The following CNTN5 variants were observed in gnomAD, a reference collection of about 807,000 sequenced individuals.
CNTN5 encodes the protein contactin 5.
A neutral mutation model predicts 129.1 loss-of-function variants in CNTN5; 77 were observed. The observed-to-expected ratio is 0.60, with a 90% CI of 0.50 to 0.72. CNTN5 has a LOEUF of 0.72. Ranked by LOEUF, CNTN5 falls within the 30% of genes least tolerant of loss-of-function variation. The pLI is 0.00. For missense variants in CNTN5, 1,478 were observed against 1,328.8 expected (o/e 1.11, Z -1.75); for synonymous variants, 509 against 465.6 (o/e 1.09, Z -1.20).
intron 6 of CNTN5, among the ~76,000 whole-genome samples, chr11:99,894,295 T>G (rs962321254): frequency 1.3e-5 from 2 of 152,056 alleles, no homozygotes; most frequent in African/African-American, 4.8e-5. Flanking sequence ...AGGTTTAAGT[T>G]CAATACTATT....
At chr11:100,181,412 G>A (rs571183152) in intron 13 of CNTN5, among the ~76,000 whole-genome samples, 6 of 152,044 alleles carry the variant, frequency 3.9e-5, no homozygotes, top group East Asian at 3.9e-4. Flanking sequence ...ATTAGGAAGC[G>A]AATGGTGGTG....
intron 3 of CNTN5, among the ~76,000 whole-genome samples, chr11:99,668,397 G>C (rs17134173): frequency 0.064 from 9,677 of 152,132 alleles, 325 homozygotes; most frequent in East Asian, 0.11. Context: ...GGTGATTCTC[G>C]TATCCTTCTT....
chr11:99,041,617 T>C (rs973231196), intron 1 of CNTN5, among the ~76,000 whole-genome samples: 2 of 152,164 alleles, frequency 1.3e-5, no homozygotes, highest in African/African-American at 4.8e-5. Flanking sequence ...CCTCATTAAG[T>C]ATAGTTTTTG....
At chr11:99,415,447 C>G (rs573896975) in intron 2 of CNTN5, among the ~76,000 whole-genome samples, 1 of 152,276 alleles carries the variant, frequency 6.6e-6, no homozygotes, top group African/African-American at 2.4e-5. Flanking sequence ...GGGGCAGGGC[C>G]TCTCTGGAAT....
intron 2 of CNTN5, among the ~76,000 whole-genome samples, chr11:99,493,674 G>T (rs1179360650): frequency 6.6e-6 from 1 of 152,098 alleles, no homozygotes; most frequent in Non-Finnish European, 1.5e-5. Flanking sequence ...AGAAGAAAAG[G>T]CAGGGTAAAG....
At chr11:99,220,687 A>G (rs928407088) in intron 1 of CNTN5, among the ~76,000 whole-genome samples, 1 of 151,976 alleles carries the variant, frequency 6.6e-6, no homozygotes, top group Non-Finnish European at 1.5e-5. Context: ...ATATAATTTT[A>G]CTTTTGGATT....
At position 99,031,227 on chromosome 11, in the gene CNTN5, T is replaced by G. The variant is rs12277537; in HGVS notation, c.-210+9957T>G. Among the ~76,000 whole-genome samples, 1,473 of 152,280 alleles carry G rather than the reference T, an allele frequency of 9.7e-3. 24 individuals are homozygous for G. Among genetic ancestry groups the G allele is most frequent in the African/African-American group, 0.034 (1,399 of 41,562 alleles). On this transcript the variant is annotated intron_variant, in intron 1 of 24. Coordinates refer to ENST00000524871, the MANE Select transcript of CNTN5 (RefSeq NM_014361.4). ...CAATTTTTTTTCCAAAAATGACATC[T>G]AGATATATTACTATGGTAGCTTTTT...
At chr11:99,778,131 C>G (rs1945189196) in intron 3 of CNTN5, among the ~76,000 whole-genome samples, 1 of 151,724 alleles carries the variant, frequency 6.6e-6, no homozygotes, top group Admixed American at 6.6e-5. Flanking sequence ...GTGTTTAAGC[C>G]TTGTTCTCTA....
chr11:99,733,156 T>TCTA (rs141558633), intron 3 of CNTN5, among the ~76,000 whole-genome samples: 8,500 of 151,796 alleles, frequency 0.056, 586 homozygotes, highest in African/African-American at 0.16. Flanking sequence ...AAACCTCGTC[T>TCTA]CTACTAAGAA....
intron 2 of CNTN5, among the ~76,000 whole-genome samples, chr11:99,547,332 A>C (rs768545808): frequency 1.3e-5 from 2 of 152,250 alleles, no homozygotes; most frequent in South Asian, 4.1e-4. Context: ...CTGAGCTATA[A>C]ATGTTTGAAG....
intron 13 of CNTN5, among the ~76,000 whole-genome samples, chr11:100,186,638 G>A (rs983712597): frequency 6.6e-6 from 1 of 152,098 alleles, no homozygotes; most frequent in Non-Finnish European, 1.5e-5. Flanking sequence ...ACTTGATCTT[G>A]AATGCAAGAA....
chr11:99,463,040 G>A (rs900424892), intron 2 of CNTN5, among the ~76,000 whole-genome samples: 8 of 151,512 alleles, frequency 5.3e-5, no homozygotes, highest in African/African-American at 1.7e-4. Flanking sequence ...CACAGGAGGC[G>A]GAGGTTGCAG....
At chr11:100,013,939 C>T (rs1258624997) in intron 9 of CNTN5, among the ~76,000 whole-genome samples, 1 of 152,066 alleles carries the variant, frequency 6.6e-6, no homozygotes. Flanking sequence ...AATCACTGTA[C>T]TTTGAACTAA....
At chr11:99,482,945 G>A (rs1945657579) in intron 2 of CNTN5, among the ~76,000 whole-genome samples, 1 of 151,892 alleles carries the variant, frequency 6.6e-6, no homozygotes, top group Non-Finnish European at 1.5e-5. Flanking sequence ...AAATACTGAG[G>A]CGGGTGGATC....
chr11:99,819,359 G>A (rs185817187), intron 3 of CNTN5, among the ~76,000 whole-genome samples, 185 bp from the exon 4 acceptor site: 424 of 12,222 alleles, frequency 0.035, no homozygotes, highest in African/African-American at 0.1. Flanking sequence ...ATTATAGCTA[G>A]TAGAATTTTC....
Position 99,784,930 on chromosome 11 carries a change from G to T in CNTN5, c.56-34614G>T, listed in dbSNP as rs376475525. Among the ~76,000 whole-genome samples the T allele has an allele frequency of 3.1e-4, 47 of 150,398 alleles. 2 individuals carry two copies. The East Asian group carries it at 6.1e-3, about 19-fold the overall frequency. ...TTCTTCTGCCTCAGCCTCCCAAATA[G>T]GTGAGACTACAGGTGCCTACCATCA... On this transcript the variant is annotated intron_variant, in intron 3 of 24. Transcript: ENST00000524871.
chr11:100,341,848 G>C (rs531104673), intron 23 of CNTN5, among the ~76,000 whole-genome samples: 1 of 151,938 alleles, frequency 6.6e-6, no homozygotes, highest in East Asian at 1.9e-4. Flanking sequence ...TATAATGTCA[G>C]ATTCTGTTTG....
intron 1 of CNTN5, among the ~76,000 whole-genome samples, chr11:99,124,302 A>C (rs1858508629): frequency 1.3e-5 from 2 of 151,960 alleles, no homozygotes. Context: ...TGTGAATGGG[A>C]TTATTTTCCA....
intron 1 of CNTN5, among the ~76,000 whole-genome samples, chr11:99,029,787 A>T (rs1481654853): frequency 2.0e-5 from 3 of 152,138 alleles, no homozygotes; most frequent in Non-Finnish European, 2.9e-5. Context: ...ATGATATTTG[A>T]GTTTCTTCTC....
Sources: allele counts gnomAD v4.1 joint callset (sites outside exome capture counted in the v4.1 genomes callset), GRCh38; gene constraint gnomAD v4.1.1; transcripts MANE v1.5; gene names NCBI Gene and HGNC (gene_info 2026-07-23, HGNC 2026-07-21).